Variants in SERPINA12 observed in about 807,000 individuals in gnomAD.
SERPINA12 encodes the protein serpin family A member 12, also known as serpin A12.
In SERPINA12, 21 loss-of-function variants were observed where a neutral mutation model predicts 25.9. The ratio of observed to expected loss-of-function variants is 0.81; its 90% CI spans 0.58 to 1.17. The LOEUF is 1.17. Ranked by LOEUF, SERPINA12 falls within the 50% of genes most tolerant of loss-of-function variation. The pLI, the probability that SERPINA12 is intolerant of heterozygous loss-of-function variation, is 0.00. For missense variants in SERPINA12, 562 were observed against 508.3 expected, an observed-to-expected ratio of 1.11 and a Z score of -1.02; for synonymous variants, 220 against 196.0, an observed-to-expected ratio of 1.12 and a Z score of -1.02.
upstream of SERPINA12, chr14:94,510,043 G>T: frequency 1.0e-6 from 1 of 985,346 alleles, no homozygotes; most frequent in Non-Finnish European, 1.2e-6. Context: ...CCCCACTCCC[G>T]AGCTCTGGGA....
At chr14:94,488,569 G>T (rs1900002424) in intron 4 of SERPINA12, among the ~76,000 whole-genome samples, 1 of 152,106 alleles carries the variant, frequency 6.6e-6, no homozygotes, top group Non-Finnish European at 1.5e-5. Context: ...TTTAGTGTAA[G>T]TGTGTCCCGT....
At chr14:94,513,110 C>T (rs1901150639), upstream of SERPINA12, among the ~76,000 whole-genome samples, 1 of 152,202 alleles carries the variant, frequency 6.6e-6, no homozygotes, top group Non-Finnish European at 1.5e-5. Flanking sequence ...AGTTTCCCTT[C>T]AGTCATCCAG....
At chr14:94,504,166 A>G (rs1217696947) in intron 1 of SERPINA12, 5 of 152,274 alleles carry the variant, frequency 3.3e-5, no homozygotes, top group Non-Finnish European at 5.9e-5. Context: ...AGCCAAATGC[A>G]TCTGCCTTTC....
chr14:94,508,130 C>T (rs1234042357), intron 1 of SERPINA12, among the ~76,000 whole-genome samples: 1 of 152,216 alleles, frequency 6.6e-6, no homozygotes, highest in Non-Finnish European at 1.5e-5. Flanking sequence ...CCAAATCCCA[C>T]TAGAACAAAT....
intron 3 of SERPINA12, among the ~76,000 whole-genome samples, chr14:94,490,651 T>C (rs191190647): frequency 2.0e-5 from 3 of 151,990 alleles, no homozygotes; most frequent in Admixed American, 2.0e-4. Flanking sequence ...AGCTTCCAGC[T>C]CATTTCTTTT....
At chr14:94,498,527 G>T in intron 1 of SERPINA12, 97 bp from the exon 2 acceptor site, 1 of 976,926 alleles carries the variant, frequency 1.0e-6, no homozygotes, top group Non-Finnish European at 1.5e-6. Flanking sequence ...ACTATTATGT[G>T]TTGTACATAG....
In SERPINA12 at chr14:94,497,749, T is replaced by C. The variant is rs773393039; in HGVS notation, c.634+15A>G. The C allele has an allele frequency of 3.8e-6, 6 of 1,583,710 alleles. No individual in the cohort carries two copies. The highest frequency in any genetic ancestry group is 1.2e-5 in the South Asian group (1 of 84,806). ...TCATCCTATTCTTTCCACACCAACA[T>C]GCCAAAAGCCTTACCTCGAAAGAAA... On this transcript the variant is annotated intron_variant, in intron 2 of 4. Coordinates refer to ENST00000677451, the MANE Select transcript of SERPINA12 (RefSeq NM_001382267.1).
upstream of SERPINA12, chr14:94,510,138 T>C (rs1046612568): frequency 9.1e-6 from 9 of 985,322 alleles, no homozygotes; most frequent in African/African-American, 1.0e-4. Context: ...CATCCCTTCC[T>C]CTGGTTCTCA....
At chr14:94,511,294 G>T, upstream of SERPINA12, 1 of 485,572 alleles carries the variant, frequency 2.1e-6, no homozygotes, top group Non-Finnish European at 2.7e-6. Context: ...TTACAAGTCT[G>T]TGAGGGACCA....
chr14:94,489,868 A>G, intron 3 of SERPINA12, 101 bp from the exon 4 acceptor site: 1 of 1,191,818 alleles, frequency 8.4e-7, no homozygotes. Flanking sequence ...TCCCAGCCCC[A>G]AAGGTCTCCA....
intron 3 of SERPINA12, 49 bp downstream of exon 3, chr14:94,496,324 G>A: frequency 3.7e-6 from 6 of 1,601,068 alleles, no homozygotes; most frequent in Non-Finnish European, 5.1e-6. Flanking sequence ...AGAAATAAGA[G>A]GGAAGACAAG....
At chr14:94,511,021 A>T (rs538784661), upstream of SERPINA12, among the ~76,000 whole-genome samples, 20 of 152,252 alleles carry the variant, frequency 1.3e-4, no homozygotes, top group Non-Finnish European at 2.1e-4. Context: ...GGTGCACTAA[A>T]ACTCAGAAAT....
intron 1 of SERPINA12, among the ~76,000 whole-genome samples, chr14:94,507,718 C>G (rs1246094119): frequency 6.6e-6 from 1 of 152,152 alleles, no homozygotes; most frequent in Non-Finnish European, 1.5e-5. Flanking sequence ...GCAAGTGGAA[C>G]TCTCTTATAT....
rs938229364 is a variant in SERPINA12 at position 94,497,750 on chromosome 14, G to A, written c.634+14C>T. The A allele has an allele frequency of 6.3e-7, 1 of 1,586,006 alleles. No homozygotes were observed. Among genetic ancestry groups the A allele is most frequent in the Non-Finnish European group, 8.6e-7 (1 of 1,167,254 alleles). ...CATCCTATTCTTTCCACACCAACATGCCAAAAGCCTTACCTCGAAAGAAAA... is the reference window on the plus strand; with the variant it reads ...CATCCTATTCTTTCCACACCAACATACCAAAAGCCTTACCTCGAAAGAAAA... On this transcript the variant is annotated intron_variant, in intron 2 of 4. Transcript: ENST00000677451.
Position 94,497,817 on chromosome 14 carries a change from T to C in SERPINA12, c.581A>G (p.Glu194Gly). The change falls in exon 2 of 5, where the codon GAG (glutamate) becomes GGG (glycine). Residue 194 changes from glutamate (E) to glycine (G), a missense_variant. Coordinates refer to ENST00000677451, the MANE Select transcript of SERPINA12 (RefSeq NM_001382267.1). Reference sequence around the variant, plus strand: ...CATCACAGTGCCGGGGTCTATATTCTCGATCAGGTTGTTAATTTTCCCATG... The same window carrying C: ...CATCACAGTGCCGGGGTCTATATTCCCGATCAGGTTGTTAATTTTCCCATG... The part of the protein sequence containing the change: ...KTHGKINNLI[E>G]NIDPGTVMLL... 1.2e-6 allele frequency: 2 copies of C among 1,613,996 alleles called. No individual in the cohort carries two copies. The highest frequency in any genetic ancestry group is 1.7e-6 in the Non-Finnish European group (2 of 1,179,986).
At chr14:94,490,680 A>G (rs1595684750) in intron 3 of SERPINA12, among the ~76,000 whole-genome samples, 1 of 151,782 alleles carries the variant, frequency 6.6e-6, no homozygotes, top group Admixed American at 6.6e-5. Flanking sequence ...TATAGCAGCT[A>G]TCTCCACTCC....
Position 94,500,447 on chromosome 14 carries a change from G to T in SERPINA12, c.-33-2017C>A, listed in dbSNP as rs60324551. Among the ~76,000 whole-genome samples the T allele has an allele frequency of 8.7e-3, 1,321 of 152,222 alleles. 15 individuals are homozygous for T. The highest frequency in any genetic ancestry group is 0.029 in the African/African-American group (1,194 of 41,524). On this transcript the variant is annotated intron_variant, in intron 1 of 4. Coordinates refer to ENST00000677451, the MANE Select transcript of SERPINA12 (RefSeq NM_001382267.1). ...CCAGCTCCAAGGGAGGGCCTGATTG[G>T]TGCAGGGGCATCTCAACTCTCCTGC...
intron 1 of SERPINA12, among the ~76,000 whole-genome samples, chr14:94,498,759 C>G (rs1900583987): frequency 2.0e-5 from 3 of 152,174 alleles, no homozygotes; most frequent in Admixed American, 1.3e-4. Flanking sequence ...AGGCATATGG[C>G]CCAGACCTAC....
chr14:94,490,540 G>T (rs1019598792), intron 3 of SERPINA12, among the ~76,000 whole-genome samples: 6 of 151,948 alleles, frequency 3.9e-5, no homozygotes, highest in African/African-American at 1.5e-4. Flanking sequence ...TCCTTAAACA[G>T]TGCCCCTTTG....
Sources: allele counts gnomAD v4.1 joint callset (sites outside exome capture counted in the v4.1 genomes callset), GRCh38; gene constraint gnomAD v4.1.1; transcripts MANE v1.5; gene names NCBI Gene and HGNC (gene_info 2026-07-23, HGNC 2026-07-21).